Variants in METTL25B observed in about 807,000 individuals in gnomAD.
METTL25B encodes the protein methyltransferase like 25B.
In METTL25B, 38 loss-of-function variants were observed where a neutral mutation model predicts 48.4. That is an observed-to-expected ratio of 0.78 (90% confidence interval 0.61 to 1.03). METTL25B has a LOEUF of 1.03. Ranked by LOEUF, METTL25B falls within the 50% of genes least tolerant of loss-of-function variation. The probability of loss-of-function intolerance (pLI) is 0.00; values close to 1 mark genes in which losing one functional copy is unlikely to be tolerated. For synonymous variants in METTL25B, 230 were observed against 254.5 expected, an observed-to-expected ratio of 0.90 and a Z score of 0.92; for missense variants, 537 against 603.7, an observed-to-expected ratio of 0.89 and a Z score of 1.16.
intron 7 of METTL25B, 52 bp from the exon 8 acceptor site, chr1:156,736,580 G>T: frequency 3.7e-6 from 6 of 1,609,584 alleles, no homozygotes; most frequent in Non-Finnish European, 4.2e-6. Context: ...GGCAGAAGAG[G>T]CTGAGTGAGT....
intron 1 of METTL25B, chr1:156,729,602 T>C (rs995494064): frequency 5.6e-6 from 1 of 177,746 alleles, no homozygotes; most frequent in Non-Finnish European, 1.2e-5. Context: ...GCTGCAACTA[T>C]GTTGAACTCT....
At chr1:156,736,062 A>T in intron 7 of METTL25B, 153 bp downstream of exon 7, 1 of 616,416 alleles carries the variant, frequency 1.6e-6, no homozygotes, top group Non-Finnish European at 2.6e-6. Flanking sequence ...GGAGTAGGGG[A>T]TTTGTTAAAA....
chr1:156,735,822 G>A lies in METTL25B; in HGVS notation c.1219G>A (p.Val407Met), dbSNP rs1318467362. 6.2e-7 allele frequency: 1 copy of A among 1,613,048 alleles called. No homozygotes were observed. The highest frequency in any genetic ancestry group is 1.7e-5 in the Admixed American group (1 of 59,852). ...QAHVAQENRV[V>M]AFFSLALLLA... ...CCACGTGGCCCAGGAGAACCGTGTG[G>A]TGGCCTTCTTCAGCCTGGCTCTACT... The change falls in exon 7 of 8, where the codon GTG becomes ATG. Residue 407 changes from valine (V) to methionine (M), a missense_variant. Val to Met is a conservative substitution (Grantham distance 21). Coordinates refer to ENST00000368216, the MANE Select transcript of METTL25B (RefSeq NM_015997.4).
intron 6 of METTL25B, among the ~76,000 whole-genome samples, chr1:156,735,431 G>A (rs1362568186): frequency 2.1e-5 from 3 of 142,362 alleles, no homozygotes; most frequent in Non-Finnish European, 3.0e-5. Flanking sequence ...CAGGTGTGGT[G>A]GCTCATGTGT....
At position 156,728,723 on chromosome 1, in the gene METTL25B, C is replaced by A. The variant is rs1201457619; in HGVS notation, c.-382C>A. On this transcript the variant is annotated 5_prime_UTR_variant, in exon 1 of 8. Coordinates refer to ENST00000368216, the MANE Select transcript of METTL25B (RefSeq NM_015997.4). ...GCCGCGATAAACCGGAACTGCAGCC[C>A]GCCGGACACCTCCGGCTTCACTTCC... The A allele has an allele frequency of 6.0e-6, 6 of 998,596 alleles. No homozygotes were observed. Among genetic ancestry groups the A allele is most frequent in the African/African-American group, 3.5e-5 (2 of 57,688 alleles). The allele number at this position is 998,596 out of a possible 1,614,324, so 61.9% of individuals were successfully genotyped here. A position where few individuals can be genotyped will look rare whatever the true frequency, so the allele number is the denominator to read the frequency against.
chr1:156,732,493 A>G lies in METTL25B; in HGVS notation c.429+20A>G, dbSNP rs767783505. 2 of 1,610,316 alleles carry G rather than the reference A, an allele frequency of 1.2e-6. No individual in the cohort carries two copies. Among genetic ancestry groups the G allele is most frequent in the South Asian group, 2.2e-5 (2 of 91,042 alleles). ...GGAGAGGTGAGGAGATGGCTGGAGC[A>G]TGGGTGGTGTCTGGGAGCCCAGGGA... On this transcript the variant is annotated intron_variant, in intron 3 of 7. Coordinates refer to ENST00000368216, the MANE Select transcript of METTL25B (RefSeq NM_015997.4).
In METTL25B at chr1:156,734,314, T is replaced by C; in HGVS notation, c.942T>C (p.Leu314=). The stretch of plus-strand genomic sequence containing the variant: ...CTGGCTATGAACTGCCCTACCGGCT[T>C]CGGGAGGGGGCCTGCCATGCCCTGG... ...GLPGYELPYR[L]REGACHALEE... The change falls in exon 6 of 8, where the codon CTT becomes CTC. Residue 314 remains leucine (L), a synonymous_variant. Coordinates refer to ENST00000368216, the MANE Select transcript of METTL25B (RefSeq NM_015997.4). 6.2e-7 allele frequency: 1 copy of C among 1,614,016 alleles called. No homozygotes were observed. Among genetic ancestry groups the C allele is most frequent in the Non-Finnish European group, 8.5e-7 (1 of 1,179,980 alleles).
At position 156,729,103 on chromosome 1, in the gene METTL25B, G is replaced by C. The variant is rs980069926; in HGVS notation, c.-2G>C. ...TCCCCGCGCTCCCTGCTGGACCCCG[G>C]GATGCCGGGCATCTCCGCCCGAGGC... On this transcript the variant is annotated 5_prime_UTR_variant, in exon 1 of 8. Coordinates refer to ENST00000368216, the MANE Select transcript of METTL25B (RefSeq NM_015997.4). 1.3e-6 allele frequency: 2 copies of C among 1,595,480 alleles called. No individual in the cohort carries two copies. The highest frequency in any genetic ancestry group is 1.1e-5 in the South Asian group (1 of 90,142).
rs1325546148 is a variant in METTL25B at position 156,729,204 on chromosome 1, G to A, written c.100G>A (p.Ala34Thr). Residue 34 changes from alanine (A) to threonine (T), a missense_variant, in exon 1 of 8, where the codon GCC (alanine) becomes ACC (threonine). Coordinates refer to ENST00000368216, the MANE Select transcript of METTL25B (RefSeq NM_015997.4). ...VLALYRSILD[A>T]YIIEFFTDNL... ...GGCACTCTACCGTTCCATCTTGGATGCCTACATCATCGTGAGGCCACAGGG... is the reference window on the plus strand; with the variant it reads ...GGCACTCTACCGTTCCATCTTGGATACCTACATCATCGTGAGGCCACAGGG... 1.2e-6 allele frequency: 2 copies of A among 1,606,542 alleles called. No homozygotes were observed. The highest frequency in any genetic ancestry group is 1.3e-5 in the African/African-American group (1 of 74,542).
intron 6 of METTL25B, among the ~76,000 whole-genome samples, chr1:156,735,166 G>GT (rs1205674886): frequency 6.6e-6 from 1 of 151,692 alleles, no homozygotes; most frequent in African/African-American, 2.4e-5. Flanking sequence ...GCATGCGCCT[G>GT]TAATCCCAGC....
At position 156,732,015 on chromosome 1, in the gene METTL25B, G is replaced by A; in HGVS notation, c.136G>A (p.Asp46Asn). The A allele has an allele frequency of 1.2e-6, 2 of 1,614,174 alleles. No individual in the cohort carries two copies. The highest frequency in any genetic ancestry group is 1.7e-6 in the Non-Finnish European group (2 of 1,180,042). The stretch of plus-strand genomic sequence containing the variant: ...GGAATTTTTCACAGACAACCTATGG[G>A]ACACACTCCCTTGCTCATGGCAGGA... ...IIEFFTDNLW[D>N]TLPCSWQEAL... Residue 46 changes from aspartate (D) to asparagine (N), a missense_variant, in exon 2 of 8, where the codon GAC becomes AAC. Asp to Asn is a conservative substitution (Grantham distance 23, BLOSUM62 1). Transcript: ENST00000368216.
chr1:156,735,925 A>G lies in METTL25B; in HGVS notation c.1306+16A>G, dbSNP rs1649749678. 2 of 1,605,468 alleles carry G rather than the reference A, an allele frequency of 1.2e-6. No homozygotes were observed. The highest frequency in any genetic ancestry group is 1.7e-6 in the Non-Finnish European group (2 of 1,174,494). The stretch of plus-strand genomic sequence containing the variant: ...CAGGAACAGGGTGAGGGTGGCCTAC[A>G]GCAGGGACCCAAGGACTATAGTGAC... On this transcript the variant is annotated intron_variant, in intron 7 of 7. Transcript: ENST00000368216.
chr1:156,729,415 CTTTTTCTTTTTTTTTTTCT>C, intron 1 of METTL25B, 200 bp downstream of exon 1: 1 of 416,840 alleles, frequency 2.4e-6, no homozygotes, highest in East Asian at 4.3e-5. Context: ...CTTTTTTTTT[CTTTTTCTTTTTTTTTTTCT>C]TTTTTTTTTT....
chr1:156,733,199 G>C (rs918362169), intron 4 of METTL25B, 152 bp downstream of exon 4: 22 of 1,042,332 alleles, frequency 2.1e-5, no homozygotes, highest in African/African-American at 3.2e-5. Flanking sequence ...AAGCCAGTCA[G>C]ATTTAACAAT....
intron 1 of METTL25B, among the ~76,000 whole-genome samples, chr1:156,731,223 C>A (rs1023200234): frequency 6.6e-6 from 1 of 152,132 alleles, no homozygotes; most frequent in Non-Finnish European, 1.5e-5. Flanking sequence ...TCCAGGGTTC[C>A]AGTGATTCTC....
chr1:156,732,198 G>A lies in METTL25B; in HGVS notation c.236+83G>A, dbSNP rs1292293305. 4 of 1,608,594 alleles carry A rather than the reference G, an allele frequency of 2.5e-6. No individual in the cohort carries two copies. In the South Asian group the frequency reaches 4.4e-5, roughly 18 times the overall value. Reference sequence around the variant, plus strand: ...CATATTGCTCAGAGAGTCTCATAAGGTCTTCCTGGGCCTCGGGTTGTAAAC... The same window carrying A: ...CATATTGCTCAGAGAGTCTCATAAGATCTTCCTGGGCCTCGGGTTGTAAAC... On this transcript the variant is annotated intron_variant, in intron 2 of 7. Transcript: ENST00000368216.
chr1:156,733,316 G>A, intron 4 of METTL25B, 61 bp from the exon 5 acceptor site: 1 of 1,586,522 alleles, frequency 6.3e-7, no homozygotes, highest in East Asian at 2.2e-5. Flanking sequence ...GTTACCCATG[G>A]GGAGGGTGAT....
rs754203828 is a variant in METTL25B at position 156,734,525 on chromosome 1, A to G, written c.1121+32A>G. The G allele has an allele frequency of 2.7e-6, 4 of 1,487,984 alleles. No individual in the cohort carries two copies. In the Admixed American group the frequency reaches 7.8e-5, roughly 29 times the overall value. 92.2% of individuals were successfully genotyped at this position (1,487,984 alleles called of 1,614,324 possible). A position where few individuals can be genotyped will look rare whatever the true frequency, so the allele number is the denominator to read the frequency against. On this transcript the variant is annotated intron_variant, in intron 6 of 7. Coordinates refer to ENST00000368216, the MANE Select transcript of METTL25B (RefSeq NM_015997.4). ...TTGGGGGACGGGTGGGGGGCAGTGG[A>G]GAGGAGATTTCTTTTTTTTTTTTTG...
In METTL25B at chr1:156,728,969, T is replaced by A; in HGVS notation, c.-136T>A. The A allele has an allele frequency of 1.8e-6, 1 of 570,868 alleles. No homozygotes were observed. The highest frequency in any genetic ancestry group is 2.9e-6 in the Non-Finnish European group (1 of 341,452). 35.4% of individuals were successfully genotyped at this position (570,868 alleles called of 1,614,324 possible). ...AGCATCGGATCCCGGAAAGGCAGCGTCGGAGACTGGACCCAAAACTCTTCC... is the reference window on the plus strand; with the variant it reads ...AGCATCGGATCCCGGAAAGGCAGCGACGGAGACTGGACCCAAAACTCTTCC... On this transcript the variant is annotated 5_prime_UTR_variant, in exon 1 of 8. Coordinates refer to ENST00000368216, the MANE Select transcript of METTL25B (RefSeq NM_015997.4).
Sources: allele counts gnomAD v4.1 joint callset (sites outside exome capture counted in the v4.1 genomes callset), GRCh38; gene constraint gnomAD v4.1.1; transcripts MANE v1.5; gene names NCBI Gene and HGNC (gene_info 2026-07-23, HGNC 2026-07-21).